CCDC134: variants seen among roughly 807,000 people sequenced by gnomAD.
CCDC134 encodes coiled-coil domain-containing protein 134.
Under a neutral mutation model 25.6 loss-of-function variants are expected in CCDC134, and 27 were observed. The ratio of observed to expected loss-of-function variants is 1.05; its 90% CI spans 0.78 to 1.45. The LOEUF is 1.45. CCDC134 is among the 40% of genes most tolerant of loss of function. CCDC134 has a pLI of 0.00. For synonymous variants in CCDC134, 110 were observed against 115.0 expected (o/e 0.96, Z 0.28); for missense variants, 261 against 286.7 (o/e 0.91, Z 0.65).
chr22:41,807,936 G>A (rs369325303), intron 1 of CCDC134, among the ~76,000 whole-genome samples: 177 of 152,204 alleles, frequency 1.2e-3, no homozygotes, highest in African/African-American at 4.1e-3. Context: ...CAAGGCAGGC[G>A]GATCACCTGA....
chr22:41,813,801 A>G lies in CCDC134; in HGVS notation c.543A>G (p.Pro181=). ...ISEKDSNFQN[P]FKIDRTEFIP... ...AGAAAGACTCCAACTTCCAGAACCC[A>G]TTTAAAATCGACCGCACAGAGGTGA... is the stretch of plus-strand genomic sequence containing the variant. Residue 181 remains proline, a synonymous_variant, in exon 6 of 7, where the codon CCA becomes CCG. Transcript: ENST00000255784. 2 of 1,614,182 alleles carry G rather than the reference A, an allele frequency of 1.2e-6. No individual in the cohort carries two copies. The highest frequency in any genetic ancestry group is 1.7e-6 in the Non-Finnish European group (2 of 1,179,996).
chr22:41,825,466 G>A lies in CCDC134; in HGVS notation c.565-232G>A, dbSNP rs552232472. 4.6e-5 allele frequency among the ~76,000 whole-genome samples: 7 copies of A among 152,132 alleles called. No homozygotes were observed. Among genetic ancestry groups the A allele is most frequent in the East Asian group, 3.9e-4 (2 of 5,170 alleles). On this transcript the variant is annotated intron_variant, in intron 6 of 6. Transcript: ENST00000255784. The surrounding 1 kb of genome is among the most constrained non-coding windows in gnomAD (Gnocchi z 4.4). ...CATGTAGGTTCCCACCTCAGCATCC[G>A]TCCCTCCACCTAGAATACCCTTCCC...
In CCDC134 at chr22:41,827,825, T is replaced by G. The variant is rs115570318; in HGVS notation, c.*2002T>G. Among the ~76,000 whole-genome samples, 1,227 of 152,322 alleles carry G rather than the reference T, an allele frequency of 8.1e-3. 17 individuals are homozygous for G. The highest frequency in any genetic ancestry group is 0.028 in the African/African-American group (1,161 of 41,568). ...CTGTCCTGGTGCCAGCAGCTGGAGC[T>G]GGGTGTCAGGACCAGCCCGCAAGCT... On this transcript the variant is annotated 3_prime_UTR_variant, in exon 7 of 7. Transcript: ENST00000255784.
Position 41,813,292 on chromosome 22 carries a change from C to T in CCDC134, c.339C>T (p.Ala113=). Residue 113 remains alanine, a synonymous_variant, in exon 5 of 7, where the codon GCC becomes GCT. Transcript: ENST00000255784. ...TCTCCCACGTGGTGGAGAACACGGC[C>T]TTCTTCGGCGATGTGGTGCTGCGCT... ...DAFSHVVENT[A]FFGDVVLRFP... is the part of the protein sequence containing the mutation. 1 of 1,614,160 alleles carries T rather than the reference C, an allele frequency of 6.2e-7. No individual in the cohort carries two copies. Among genetic ancestry groups the T allele is most frequent in the Non-Finnish European group, 8.5e-7 (1 of 1,180,012 alleles).
At chr22:41,819,265 T>G (rs2076637543) in intron 6 of CCDC134, among the ~76,000 whole-genome samples, 1 of 152,232 alleles carries the variant, frequency 6.6e-6, no homozygotes, top group African/African-American at 2.4e-5. Flanking sequence ...TCCAGGGGGC[T>G]GGCCCTGTCG....
rs1043734421 is a variant in CCDC134, at chr22:41,810,291, G to A, written c.310G>A (p.Ala104Thr). The change falls in exon 4 of 7, where the codon GCT becomes ACT. Residue 104 changes from alanine (A) to threonine (T), a missense_variant and splice_region_variant. By Grantham distance (58) the Ala-to-Thr change is moderately conservative. Transcript: ENST00000255784. The stretch of plus-strand genomic sequence containing the variant: ...CCCCCAGGACGAGAAGCTGAAGGAT[G>A]GTATGGTCTGCCCTGCCCCGCCCTG... ...PFPQDEKLKDAFSHVVENTAF... is the reference protein window; with the variant it reads ...PFPQDEKLKDTFSHVVENTAF... 1.2e-6 allele frequency: 2 copies of A among 1,613,334 alleles called. No homozygotes were observed. Among genetic ancestry groups the A allele is most frequent in the East Asian group, 2.2e-5 (1 of 44,856 alleles).
Position 41,826,832 on chromosome 22 carries a change from C to T in CCDC134, c.*1009C>T, listed in dbSNP as rs770151674. On this transcript the variant is annotated 3_prime_UTR_variant, in exon 7 of 7. Coordinates refer to ENST00000255784, the MANE Select transcript of CCDC134 (RefSeq NM_024821.5). ...CCCTCCCAAGCAGAGGAGGGAAGGG[C>T]TTTAGTGAGAATTCTAGCTCTGCCT... 2.6e-5 allele frequency among the ~76,000 whole-genome samples: 4 copies of T among 152,214 alleles called. No homozygotes were observed. The highest frequency in any genetic ancestry group is 4.4e-5 in the Non-Finnish European group (3 of 68,036).
Position 41,813,421 on chromosome 22 carries a change from G to A in CCDC134, c.468G>A (p.Gly156=), listed in dbSNP as rs754948072. 3.7e-6 allele frequency: 6 copies of A among 1,614,188 alleles called. No homozygotes were observed. Among genetic ancestry groups the A allele is most frequent in the South Asian group, 1.1e-5 (1 of 91,086 alleles). The change falls in exon 5 of 7, where the codon GGG becomes GGA. Residue 156 remains glycine, a synonymous_variant. Transcript: ENST00000255784. ...FCNQTGVFNQ[G]PHSPILSLMA... ...ACCAGACAGGCGTCTTCAACCAGGGGCCCCACTCGCCCATCCTCAGCCTGG... is the reference window on the plus strand; with the variant it reads ...ACCAGACAGGCGTCTTCAACCAGGGACCCCACTCGCCCATCCTCAGCCTGG...
At chr22:41,824,674 C>T (rs903879268) in intron 6 of CCDC134, among the ~76,000 whole-genome samples, 2 of 152,196 alleles carry the variant, frequency 1.3e-5, no homozygotes, top group Middle Eastern at 3.4e-3. Flanking sequence ...GCAGGAGAAT[C>T]GGTTGAACCC....
At chr22:41,810,318 C>A in intron 4 of CCDC134, 27 bp downstream of exon 4, 2 of 1,589,562 alleles carry the variant, frequency 1.3e-6, no homozygotes, top group Middle Eastern at 1.7e-4. Flanking sequence ...CCCGCCCTGT[C>A]CTCCGCACCA....
intron 2 of CCDC134, 69 bp downstream of exon 2, chr22:41,809,062 G>A: frequency 6.1e-6 from 8 of 1,305,864 alleles, no homozygotes; most frequent in Middle Eastern, 1.9e-4. Context: ...TCTACTCAGG[G>A]ATTCCAGGGA....
chr22:41,806,362 G>A lies in CCDC134; in HGVS notation c.-16-2513G>A, dbSNP rs955274615. The stretch of plus-strand genomic sequence containing the variant: ...GCCTCCCAAGTAGCTGAGATTACAG[G>A]CACATGCCTCCACGCCCGGCTAATT... On this transcript the variant is annotated intron_variant, in intron 1 of 6. Transcript: ENST00000255784. Among the ~76,000 whole-genome samples, 29 of 151,854 alleles carry A rather than the reference G, an allele frequency of 1.9e-4. 1 individual carries two copies. The highest frequency in any genetic ancestry group is 4.0e-4 in the Non-Finnish European group (27 of 67,990).
intron 6 of CCDC134, among the ~76,000 whole-genome samples, chr22:41,818,521 C>A (rs1302190431): frequency 6.6e-6 from 1 of 152,218 alleles, no homozygotes; most frequent in Non-Finnish European, 1.5e-5. Context: ...GTCAGGCCAG[C>A]TGTGTTGACT....
chr22:41,810,834 G>A (rs1439416791), intron 4 of CCDC134, among the ~76,000 whole-genome samples: 1 of 152,096 alleles, frequency 6.6e-6, no homozygotes, highest in East Asian at 1.9e-4. Flanking sequence ...GATGCGGACA[G>A]CTCTTATATA....
rs561754406 is a variant in CCDC134, at chr22:41,827,088, G to A, written c.*1265G>A. Among the ~76,000 whole-genome samples, 5 of 152,254 alleles carry A rather than the reference G, an allele frequency of 3.3e-5. No homozygotes were observed. The highest frequency in any genetic ancestry group is 7.3e-5 in the Non-Finnish European group (5 of 68,048). ...GCCCAGCCCTAACCTGTTTCTCTGA[G>A]GCTGGCCTCCCTACGGGGCTGCAGC... On this transcript the variant is annotated 3_prime_UTR_variant, in exon 7 of 7. Transcript: ENST00000255784.
At chr22:41,812,537 C>A (rs557783826) in intron 4 of CCDC134, among the ~76,000 whole-genome samples, 1 of 151,804 alleles carries the variant, frequency 6.6e-6, no homozygotes, top group East Asian at 1.9e-4. Context: ...GTGGCTCATG[C>A]CTATAATCCC....
At chr22:41,806,038 CTTTA>C (rs961345965) in intron 1 of CCDC134, among the ~76,000 whole-genome samples, 16 of 152,112 alleles carry the variant, frequency 1.1e-4, no homozygotes, top group Admixed American at 2.6e-4. Context: ...TCTGAAAATT[CTTTA>C]TTTAGTCCAT....
intron 1 of CCDC134, among the ~76,000 whole-genome samples, chr22:41,807,050 A>AAAAAC (rs764806365): frequency 1.3e-5 from 2 of 152,160 alleles, no homozygotes; most frequent in Non-Finnish European, 2.9e-5. Context: ...TCCGTCTCAA[A>AAAAAC]AAAACAAAAC....
intron 1 of CCDC134, 124 bp from the exon 2 acceptor site, chr22:41,808,751 A>G: frequency 2.7e-6 from 2 of 748,164 alleles, no homozygotes; most frequent in Admixed American, 5.0e-5. Context: ...GGGCTCCCCA[A>G]AGCTGGGTTC....
Sources: gnomAD v4.1 joint callset for allele counts (sites outside exome capture counted in the v4.1 genomes callset) on GRCh38, gnomAD v4.1.1 for gene constraint, Gnocchi (gnomAD v3.1) non-coding constraint, MANE v1.5 for transcripts, NCBI Gene and HGNC (gene_info 2026-07-23, HGNC 2026-07-21) for gene names.